FRMPD4: variants seen among roughly 807,000 people sequenced by gnomAD.
FRMPD4 encodes the protein FERM and PDZ domain-containing protein 4.
FRMPD4 carries 22 observed loss-of-function variants against 94.1 expected under a neutral mutation model. The observed-to-expected ratio is 0.23, with a 90% CI of 0.17 to 0.33. The LOEUF (loss-of-function observed/expected upper bound fraction) is 0.33, where lower values mean the gene tolerates loss of function less well. Among genes scored for constraint, FRMPD4 ranks in the 10% least tolerant of loss-of-function variants. The pLI is 1.00. For missense variants in FRMPD4, 1,111 were observed against 1,339.9 expected (o/e 0.83, Z 2.67); for synonymous variants, 631 against 548.6 (o/e 1.15, Z -2.10).
At chrX:11,877,354 C>G in intron 2 of FRMPD4, among the ~76,000 whole-genome samples, 1 of 111,716 alleles carries the variant, frequency 9.0e-6, no homozygotes, top group Non-Finnish European at 1.9e-5. Context: ...CAGCTCAGAG[C>G]GCCAAATATC....
chrX:12,116,924 T>A (rs975993173), intron 3 of FRMPD4, among the ~76,000 whole-genome samples: 18 of 112,591 alleles, frequency 1.6e-4, no homozygotes, highest in Non-Finnish European at 2.4e-4. Flanking sequence ...TAATCTTTTT[T>A]AAAAATTTAT....
At chrX:11,983,618 C>A (rs2054409270) in intron 3 of FRMPD4, among the ~76,000 whole-genome samples, 1 of 111,219 alleles carries the variant, frequency 9.0e-6, no homozygotes, top group African/African-American at 3.3e-5. Context: ...TATTTAAGGT[C>A]ATACAGAGAA....
Position 11,910,031 on chromosome X carries a change from A to C in FRMPD4, c.95+32013A>C, listed in dbSNP as rs1273778354. Among the ~76,000 whole-genome samples, 4 of 112,125 alleles carry C rather than the reference A, an allele frequency of 3.6e-5. No individual in the cohort carries two copies. The Admixed American group carries it at 3.8e-4, about 11-fold the overall frequency. On this transcript the variant is annotated intron_variant, in intron 3 of 18. Transcript: ENST00000640291. The stretch of plus-strand genomic sequence containing the variant: ...GATGGAATTTATATCAAGTTGGTTA[A>C]TAGTGTTTGTCAAGTATTTTATATC...
intron 3 of FRMPD4, among the ~76,000 whole-genome samples, chrX:12,093,709 A>G (rs747206400): frequency 9.0e-6 from 1 of 110,539 alleles, no homozygotes; most frequent in African/African-American, 3.3e-5. Flanking sequence ...GCTTTGTACT[A>G]TTGAAGTACA....
intron 1 of FRMPD4, among the ~76,000 whole-genome samples, chrX:12,408,157 T>C (rs371674964): frequency 1.9e-5 from 2 of 106,288 alleles, no homozygotes; most frequent in East Asian, 2.9e-4. Context: ...TTATATACCA[T>C]AGGGAAAGGG....
At chrX:12,253,998 G>A (rs780261151) in intron 1 of FRMPD4, among the ~76,000 whole-genome samples, 2 of 110,835 alleles carry the variant, frequency 1.8e-5, no homozygotes, top group South Asian at 7.8e-4. Flanking sequence ...CAGTTCAGTG[G>A]TATGGAGTCC....
chrX:12,525,197 A>G (rs2058209883), intron 2 of FRMPD4, among the ~76,000 whole-genome samples: 2 of 110,943 alleles, frequency 1.8e-5, no homozygotes, highest in Non-Finnish European at 3.8e-5. Flanking sequence ...GATACCAAAG[A>G]CTACCCCATC....
chrX:12,711,968 G>A (rs1262010257), intron 14 of FRMPD4, among the ~76,000 whole-genome samples: 1 of 111,495 alleles, frequency 9.0e-6, no homozygotes, highest in Non-Finnish European at 1.9e-5. Flanking sequence ...CTCAGTCATA[G>A]AAAAAGGGAA....
At chrX:12,106,967 CT>C (rs949057319) in intron 3 of FRMPD4, among the ~76,000 whole-genome samples, 3 of 112,307 alleles carry the variant, frequency 2.7e-5, no homozygotes, top group Non-Finnish European at 5.6e-5. Flanking sequence ...GACTCCACCT[CT>C]GGGGGCAGGG....
At chrX:11,830,969 G>C (rs912222561) in intron 1 of FRMPD4, among the ~76,000 whole-genome samples, 1 of 110,761 alleles carries the variant, frequency 9.0e-6, no homozygotes, top group South Asian at 3.8e-4. Flanking sequence ...GAAACTTGAG[G>C]GTAAAGGAAG....
At chrX:12,457,719 C>T (rs1441234644) in intron 1 of FRMPD4, among the ~76,000 whole-genome samples, 2 of 111,637 alleles carry the variant, frequency 1.8e-5, no homozygotes, top group African/African-American at 6.5e-5. Context: ...GTTAAAGAAC[C>T]CAGCAAAATG....
intron 1 of FRMPD4, among the ~76,000 whole-genome samples, chrX:12,266,401 T>C (rs1850436665): frequency 9.0e-6 from 1 of 111,395 alleles, no homozygotes; most frequent in Non-Finnish European, 1.9e-5. Flanking sequence ...TTATGATTCT[T>C]ATCCTTCTGC....
intron 4 of FRMPD4, among the ~76,000 whole-genome samples, chrX:12,658,381 G>A (rs1049493023): frequency 1.8e-5 from 2 of 111,996 alleles, no homozygotes; most frequent in African/African-American, 3.2e-5. Flanking sequence ...GACATGCATA[G>A]AGGCAGGAAA....
In FRMPD4 at chrX:12,698,011, A is replaced by C. The variant is rs929005231; in HGVS notation, c.933+3557A>C. 5.3e-5 allele frequency among the ~76,000 whole-genome samples: 6 copies of C among 112,225 alleles called. No homozygotes were observed. In the South Asian group the frequency reaches 1.9e-3, roughly 35 times the overall value. On this transcript the variant is annotated intron_variant, in intron 9 of 16. Transcript: ENST00000675598. ...TAAGTCTAAAATAACATCTAATATA[A>C]GTCAACAGATCTGCAAATGGTGTCT... is the stretch of plus-strand genomic sequence containing the variant.
chrX:12,667,067 CCTTT>C (rs908361163), intron 4 of FRMPD4, among the ~76,000 whole-genome samples: 2 of 112,335 alleles, frequency 1.8e-5, no homozygotes, highest in African/African-American at 6.5e-5. Flanking sequence ...CACTTTATCG[CCTTT>C]CTTTCTAAAT....
chrX:11,994,247 C>T (rs763736496), intron 3 of FRMPD4, among the ~76,000 whole-genome samples: 56 of 110,912 alleles, frequency 5.0e-4, no homozygotes, highest in African/African-American at 1.8e-3. Context: ...GTCCATAGTG[C>T]CAAAGTTCAA....
chrX:12,028,189 T>C (rs1019309609), intron 3 of FRMPD4, among the ~76,000 whole-genome samples: 1 of 112,119 alleles, frequency 8.9e-6, no homozygotes, highest in Non-Finnish European at 1.9e-5. Flanking sequence ...TTTGCACTTA[T>C]AGGACTGAAG....
At chrX:12,486,629 C>G (rs748268720) in intron 1 of FRMPD4, among the ~76,000 whole-genome samples, 1 of 112,327 alleles carries the variant, frequency 8.9e-6, no homozygotes, top group African/African-American at 3.2e-5. Context: ...AAATGTCTTC[C>G]GTACTGTGGA....
chrX:12,336,202 G>C (rs191684097), intron 1 of FRMPD4, among the ~76,000 whole-genome samples: 1 of 111,500 alleles, frequency 9.0e-6, no homozygotes, highest in East Asian at 2.8e-4. Context: ...TTTAGATCTT[G>C]CTTTAGCTCC....
Sources: allele counts gnomAD v4.1 joint callset (sites outside exome capture counted in the v4.1 genomes callset), GRCh38; gene constraint gnomAD v4.1.1; transcripts MANE v1.5; gene names NCBI Gene and HGNC (gene_info 2026-07-23, HGNC 2026-07-21).